Variants in ZNF329 observed in about 807,000 individuals in gnomAD.
The protein encoded by ZNF329 is zinc finger protein 329.
ZNF329 carries 15 observed loss-of-function variants against 26.6 expected under a neutral mutation model. The ratio of observed to expected loss-of-function variants is 0.56; its 90% CI spans 0.38 to 0.87. The LOEUF is 0.87. Among genes scored for constraint, ZNF329 ranks in the 40% least tolerant of loss-of-function variants. ZNF329 has a pLI of 0.00. For synonymous variants in ZNF329, 239 were observed against 233.5 expected (o/e 1.02, Z -0.21); for missense variants, 651 against 651.9 (o/e 1.00, Z 0.02).
intron 3 of ZNF329, among the ~76,000 whole-genome samples, chr19:58,132,836 A>T (rs1198310057): frequency 6.6e-6 from 1 of 151,604 alleles, no homozygotes; most frequent in African/African-American, 2.4e-5. Context: ...TTTTTGAGAC[A>T]GAGTCTTGCA....
At position 58,129,414 on chromosome 19, in the gene ZNF329, G is replaced by A. The variant is rs750036496; in HGVS notation, c.90C>T (p.Cys30=). ...CCCAACCATCACCTAAACTGGACAA[G>A]CAGGGAACTTCCCTTGTGAATCTTT... ...EVERFTREVP[C]LSSLGDGWDC... The change falls in exon 4 of 4, where the codon TGC becomes TGT. Residue 30 remains cysteine, a synonymous_variant. Coordinates refer to ENST00000598312, the MANE Select transcript of ZNF329 (RefSeq NM_024620.4). 1 of 1,614,168 alleles carries A rather than the reference G, an allele frequency of 6.2e-7. No individual in the cohort carries two copies. The highest frequency in any genetic ancestry group is 1.7e-5 in the Admixed American group (1 of 60,008).
At chr19:58,152,296 G>A (rs533090317), upstream of ZNF329, among the ~76,000 whole-genome samples, 5 of 151,852 alleles carry the variant, frequency 3.3e-5, no homozygotes, top group East Asian at 1.9e-4. Context: ...TTGGGAAGCC[G>A]GGCTGGGGGG....
intron 1 of ZNF329, among the ~76,000 whole-genome samples, chr19:58,143,535 G>C (rs1338005937): frequency 1.3e-5 from 2 of 152,056 alleles, no homozygotes; most frequent in East Asian, 1.9e-4. Context: ...CAAAGTCAAG[G>C]CTCCTCCTTA....
intron 3 of ZNF329, among the ~76,000 whole-genome samples, chr19:58,137,330 G>C (rs1053663863): frequency 3.9e-5 from 6 of 152,094 alleles, no homozygotes; most frequent in Non-Finnish European, 1.5e-5. Context: ...GAGGCAGGTG[G>C]ATCACCTGAG....
intron 3 of ZNF329, among the ~76,000 whole-genome samples, chr19:58,131,335 C>T (rs2074938965): frequency 6.6e-6 from 1 of 151,364 alleles, no homozygotes; most frequent in African/African-American, 2.4e-5. Flanking sequence ...CACTTGAGCC[C>T]ACACAGAAGG....
At chr19:58,147,177 G>T (rs1267100773) in intron 1 of ZNF329, among the ~76,000 whole-genome samples, 8 of 151,148 alleles carry the variant, frequency 5.3e-5, no homozygotes, top group African/African-American at 1.5e-4. Flanking sequence ...CATCTGGGAT[G>T]TGAGGAGCGC....
At chr19:58,148,721 ACTTTT>A (rs1379751096) in intron 1 of ZNF329, among the ~76,000 whole-genome samples, 1 of 152,250 alleles carries the variant, frequency 6.6e-6, no homozygotes, top group African/African-American at 2.4e-5. Flanking sequence ...TAAGAACGTT[ACTTTT>A]CTTATGAGAT....
At chr19:58,131,429 C>A (rs11084539) in intron 3 of ZNF329, among the ~76,000 whole-genome samples, 1 of 151,764 alleles carries the variant, frequency 6.6e-6, no homozygotes, top group African/African-American at 2.4e-5. Flanking sequence ...AAAACAAAAA[C>A]CAAAAAATAA....
upstream of ZNF329, among the ~76,000 whole-genome samples, chr19:58,154,384 G>C (rs577943419): frequency 6.6e-6 from 1 of 152,268 alleles, no homozygotes; most frequent in Non-Finnish European, 1.5e-5. Context: ...ATGCCACACA[G>C]CACTTGCGCC....
chr19:58,129,956 G>C (rs548720439), intron 3 of ZNF329, among the ~76,000 whole-genome samples: 3 of 152,194 alleles, frequency 2.0e-5, no homozygotes, highest in African/African-American at 4.8e-5. Context: ...TGTCATCAAA[G>C]TTCTGCATTC....
chr19:58,141,432 G>A (rs550073202), intron 3 of ZNF329, among the ~76,000 whole-genome samples: 1 of 152,182 alleles, frequency 6.6e-6, no homozygotes, highest in South Asian at 2.1e-4. Flanking sequence ...CCGAGTACCT[G>A]GGATTACAGG....
At position 58,129,281 on chromosome 19, in the gene ZNF329, C is replaced by G; in HGVS notation, c.223G>C (p.Ala75Pro). Reference protein sequence around the residue: ...EYPGFGEHLIASSDLPPSQRV... With the variant: ...EYPGFGEHLIPSSDLPPSQRV... Reference sequence around the variant, plus strand: ...TGAGACGGTGGAAGGTCTGAGCTTGCAATCAAATGCTCCCCAAAACCAGGA... The same window carrying G: ...TGAGACGGTGGAAGGTCTGAGCTTGGAATCAAATGCTCCCCAAAACCAGGA... Residue 75 changes from alanine to proline, a missense_variant, in exon 4 of 4, where the codon GCA becomes CCA. Ala to Pro is a conservative substitution (Grantham distance 27, BLOSUM62 -1). Transcript: ENST00000598312. 1.9e-6 allele frequency: 3 copies of G among 1,614,174 alleles called. No individual in the cohort carries two copies. The highest frequency in any genetic ancestry group is 2.5e-6 in the Non-Finnish European group (3 of 1,180,022).
intron 1 of ZNF329, among the ~76,000 whole-genome samples, chr19:58,146,820 C>G (rs961822110): frequency 1.3e-5 from 2 of 151,866 alleles, no homozygotes; most frequent in Non-Finnish European, 2.9e-5. Flanking sequence ...CCCGAGGTGC[C>G]GGGATTGCAG....
chr19:58,136,320 T>C (rs1298868048), intron 3 of ZNF329, among the ~76,000 whole-genome samples: 5 of 151,896 alleles, frequency 3.3e-5, no homozygotes, highest in African/African-American at 1.2e-4. Flanking sequence ...CAAATGAGAA[T>C]GCAGAATGCA....
upstream of ZNF329, chr19:58,154,703 C>G (rs1057433874): frequency 3.3e-5 from 5 of 152,094 alleles, no homozygotes; most frequent in East Asian, 3.9e-4. Context: ...CCACCCCCCC[C>G]CCCGCCCCAG....
chr19:58,136,234 A>G (rs7247375), intron 3 of ZNF329, among the ~76,000 whole-genome samples: 13 of 151,940 alleles, frequency 8.6e-5, no homozygotes, highest in Non-Finnish European at 1.9e-4. Context: ...CATCTCAAAA[A>G]AAAAAAAGAA....
rs572376618 is a variant in ZNF329, at chr19:58,128,614, T to C, written c.890A>G (p.Asn297Ser). Residue 297 changes from asparagine (N) to serine (S), a missense_variant, in exon 4 of 4, where the codon AAC becomes AGC. By Grantham distance (46) the Asn-to-Ser change is conservative (BLOSUM62 1). Coordinates refer to ENST00000598312, the MANE Select transcript of ZNF329 (RefSeq NM_024620.4). ...YECLECGKTF[N>S]RNSSLILHQR... ...GTGCAAAATTAAGGATGAATTTCGG[T>C]TGAAGGTTTTTCCACACTCTAGGCA... is the stretch of plus-strand genomic sequence containing the variant. 43 of 1,609,996 alleles carry C rather than the reference T, an allele frequency of 2.7e-5. No individual in the cohort carries two copies. The highest frequency in any genetic ancestry group is 3.4e-5 in the Non-Finnish European group (40 of 1,177,896).
At chr19:58,153,451 T>A (rs763011153), upstream of ZNF329, among the ~76,000 whole-genome samples, 1 of 152,194 alleles carries the variant, frequency 6.6e-6, no homozygotes, top group African/African-American at 2.4e-5. Context: ...GCAATCTTTT[T>A]CTGTGAAAAG....
intron 3 of ZNF329, among the ~76,000 whole-genome samples, chr19:58,130,587 T>C (rs1457729794): frequency 1.4e-5 from 2 of 142,118 alleles, no homozygotes; most frequent in Non-Finnish European, 3.0e-5. Flanking sequence ...GGCAGGAGAA[T>C]GGCGCGAACC....
Sources: gnomAD v4.1 joint callset for allele counts (sites outside exome capture counted in the v4.1 genomes callset) on GRCh38, gnomAD v4.1.1 for gene constraint, MANE v1.5 for transcripts, NCBI Gene and HGNC (gene_info 2026-07-23, HGNC 2026-07-21) for gene names.